Variants in GRIP1 observed in about 807,000 individuals in gnomAD.
The protein encoded by GRIP1 is glutamate receptor interacting protein 1.
In GRIP1, 45 loss-of-function variants were observed where a neutral mutation model predicts 129.9. The ratio of observed to expected loss-of-function variants is 0.35; its 90% CI spans 0.27 to 0.44. GRIP1 has a LOEUF of 0.44. Among genes scored for constraint, GRIP1 ranks in the 20% least tolerant of loss-of-function variants. GRIP1 has a pLI of 1.00. For synonymous variants in GRIP1, 530 were observed against 520.8 expected (o/e 1.02, Z -0.24); for missense variants, 1,196 against 1,396.8 (o/e 0.86, Z 2.29).
At chr12:66,840,072 A>AG (rs1280236022) in intron 1 of GRIP1, among the ~76,000 whole-genome samples, 1 of 152,188 alleles carries the variant, frequency 6.6e-6, no homozygotes, top group African/African-American at 2.4e-5. Context: ...TTCATGGTTT[A>AG]GGCTTATAAA....
intron 1 of GRIP1, among the ~76,000 whole-genome samples, chr12:66,998,892 T>G (rs1399884835): frequency 6.6e-6 from 1 of 152,162 alleles, no homozygotes; most frequent in East Asian, 1.9e-4. Flanking sequence ...TCCAATGCCT[T>G]CTTTTAAAAA....
rs574271121 is a variant in GRIP1 at position 66,908,259 on chromosome 12, G to C, written c.58+160791C>G. On this transcript the variant is annotated intron_variant, in intron 1 of 1. Transcript: ENST00000643019. ...AGTGCAGAACACAGCTTTTTTGGCA[G>C]GAGGGCAGAAGACCAGGCAGAGTGT... 1.4e-3 allele frequency among the ~76,000 whole-genome samples: 210 copies of C among 152,234 alleles called. 1 individual carries two copies. The highest frequency in any genetic ancestry group is 3.4e-3 in the Middle Eastern group (1 of 294).
At chr12:66,423,518 T>A (rs1003373464) in intron 14 of GRIP1, among the ~76,000 whole-genome samples, 1 of 152,184 alleles carries the variant, frequency 6.6e-6, no homozygotes, top group Non-Finnish European at 1.5e-5. Flanking sequence ...ACCCTTTGAA[T>A]GAGAATACAC....
intron 2 of GRIP1, among the ~76,000 whole-genome samples, chr12:66,587,883 C>T (rs946676265): frequency 7.2e-5 from 11 of 152,134 alleles, no homozygotes; most frequent in African/African-American, 2.4e-4. Context: ...AAAGTATTTC[C>T]ACCCACATTT....
chr12:66,651,224 C>T (rs1165947899), intron 1 of GRIP1, among the ~76,000 whole-genome samples: 1 of 152,158 alleles, frequency 6.6e-6, no homozygotes, highest in East Asian at 1.9e-4. Context: ...CCTAGAATTT[C>T]ATTCCCTGTA....
In GRIP1 at chr12:66,761,665, C is replaced by T. The variant is rs541930848; in HGVS notation, c.-420+42388G>A. Among the ~76,000 whole-genome samples, 4 of 152,264 alleles carry T rather than the reference C, an allele frequency of 2.6e-5. No homozygotes were observed. In the South Asian group the frequency reaches 8.3e-4, roughly 32 times the overall value. ...TATTTCATATTGACCTGTGCCTTTC[C>T]TTTGGAGTCTAGCCCACAGCAGGGC... On this transcript the variant is annotated intron_variant, in intron 1 of 4. Transcript: ENST00000538373.
intron 5 of GRIP1, among the ~76,000 whole-genome samples, chr12:66,526,188 C>T (rs1177349534): frequency 2.7e-5 from 4 of 150,562 alleles, no homozygotes; most frequent in African/African-American, 7.4e-5. Flanking sequence ...CTTTAAAGTT[C>T]ATATGGAACC....
chr12:66,806,202 T>C (rs1227865990), upstream of GRIP1, among the ~76,000 whole-genome samples: 1 of 152,026 alleles, frequency 6.6e-6, no homozygotes. Flanking sequence ...CAAAAAAAGG[T>C]TCAATGGTGT....
At chr12:66,523,818 A>C (rs1319991993) in intron 5 of GRIP1, among the ~76,000 whole-genome samples, 1 of 147,994 alleles carries the variant, frequency 6.8e-6, no homozygotes, top group Non-Finnish European at 1.5e-5. Flanking sequence ...GGCTCAAAAT[A>C]AAGGGATGGA....
intron 22 of GRIP1, among the ~76,000 whole-genome samples, chr12:66,376,277 TGA>T (rs1325488915): frequency 6.6e-6 from 1 of 152,228 alleles, no homozygotes; most frequent in African/African-American, 2.4e-5. Flanking sequence ...AATATAAAGA[TGA>T]GTAATCATTT....
In GRIP1 at chr12:66,873,366, G is replaced by A. The variant is rs555302760; in HGVS notation, c.58+195684C>T. 2.0e-5 allele frequency among the ~76,000 whole-genome samples: 3 copies of A among 152,144 alleles called. No homozygotes were observed. The East Asian group carries it at 5.8e-4, about 29-fold the overall frequency. On this transcript the variant is annotated intron_variant, in intron 1 of 1. Coordinates refer to the GRIP1 transcript ENST00000643019. ...AGAGATACTGTTCCATCCATCTTCG[G>A]AAAATAAAGTCTGCCACAGTGATGC... is the stretch of plus-strand genomic sequence containing the variant.
At chr12:66,658,776 T>C (rs1483207828) in intron 1 of GRIP1, among the ~76,000 whole-genome samples, 2 of 151,296 alleles carry the variant, frequency 1.3e-5, no homozygotes, top group African/African-American at 4.9e-5. Context: ...TAAAATAAAA[T>C]AGCCAGGTGT....
At chr12:66,688,771 G>GA (rs758109287) in intron 1 of GRIP1, among the ~76,000 whole-genome samples, 332 of 123,854 alleles carry the variant, frequency 2.7e-3, no homozygotes, top group East Asian at 3.0e-3. Context: ...CACTGACTCT[G>GA]AAAAAAAAAA....
chr12:66,829,196 T>C (rs1469291706), intron 1 of GRIP1, among the ~76,000 whole-genome samples: 1 of 152,094 alleles, frequency 6.6e-6, no homozygotes, highest in Non-Finnish European at 1.5e-5. Flanking sequence ...ACACATATTC[T>C]TGTGAGAAAG....
chr12:66,515,849 G>C, intron 6 of GRIP1, 85 bp from the exon 7 acceptor site: 1 of 1,090,600 alleles, frequency 9.2e-7, no homozygotes, highest in South Asian at 1.2e-5. Flanking sequence ...AATTCGTTTT[G>C]TCACACATAT....
At chr12:66,635,822 T>C (rs1243066645) in intron 1 of GRIP1, among the ~76,000 whole-genome samples, 2 of 152,208 alleles carry the variant, frequency 1.3e-5, no homozygotes, top group South Asian at 2.1e-4. Flanking sequence ...CAATCACTAA[T>C]GGCCAGTAAC....
intron 1 of GRIP1, among the ~76,000 whole-genome samples, chr12:67,055,845 T>C (rs2135867892): frequency 6.6e-6 from 1 of 152,306 alleles, no homozygotes; most frequent in South Asian, 2.1e-4. Flanking sequence ...CTGGGGTGTG[T>C]CTACAGAAGT....
intron 16 of GRIP1, among the ~76,000 whole-genome samples, chr12:66,396,649 T>C (rs1376896716): frequency 6.6e-6 from 1 of 152,028 alleles, no homozygotes; most frequent in Non-Finnish European, 1.5e-5. Context: ...GTTTAGATAG[T>C]GATGGAGATG....
intron 24 of GRIP1, among the ~76,000 whole-genome samples, chr12:66,352,923 C>A (rs926926899): frequency 6.6e-6 from 1 of 152,034 alleles, no homozygotes; most frequent in African/African-American, 2.4e-5. Flanking sequence ...CAAGATCACG[C>A]CACTCCACTC....
Sources: allele counts gnomAD v4.1 joint callset (sites outside exome capture counted in the v4.1 genomes callset), GRCh38; gene constraint gnomAD v4.1.1; transcripts MANE v1.5; gene names NCBI Gene and HGNC (gene_info 2026-07-23, HGNC 2026-07-21).